BRINP2: variants seen among roughly 807,000 people sequenced by gnomAD.
BRINP2 encodes the protein BMP/retinoic acid-inducible neural-specific protein 2.
In BRINP2, 21 loss-of-function variants were observed where a neutral mutation model predicts 69.2. The ratio of observed to expected loss-of-function variants is 0.30; its 90% CI spans 0.22 to 0.44. The LOEUF is 0.44. BRINP2 is among the 20% of genes least tolerant of loss of function. The pLI is 1.00. For missense variants in BRINP2, 877 were observed against 986.0 expected (o/e 0.89, Z 1.48); for synonymous variants, 380 against 394.1 (o/e 0.96, Z 0.42).
chr1:177,228,763 G>C (rs993761856), intron 1 of BRINP2, among the ~76,000 whole-genome samples: 1 of 152,178 alleles, frequency 6.6e-6, no homozygotes, highest in Non-Finnish European at 1.5e-5. Context: ...AGTACTGAAC[G>C]GTCCTGTGCA....
rs566442380 is a variant in BRINP2, at chr1:177,278,159, C to G, written c.1013-404C>G. Among the ~76,000 whole-genome samples, 3 of 152,172 alleles carry G rather than the reference C, an allele frequency of 2.0e-5. No individual in the cohort carries two copies. In the South Asian group the frequency reaches 6.2e-4, roughly 32 times the overall value. ...TGCACACTCACCTTCATGAGGGCCC[C>G]ACATGTTCCATATGGGTTTTGTGGT... On this transcript the variant is annotated intron_variant, in intron 6 of 7. Transcript: ENST00000361539.
intron 1 of BRINP2, among the ~76,000 whole-genome samples, chr1:177,183,517 C>A (rs1341410517): frequency 6.6e-6 from 1 of 151,982 alleles, no homozygotes; most frequent in East Asian, 1.9e-4. Flanking sequence ...AGGAGAGTGA[C>A]AGGAAAAATG....
intron 3 of BRINP2, 75 bp downstream of exon 3, chr1:177,256,184 C>T: frequency 6.6e-7 from 1 of 1,512,276 alleles, no homozygotes. Context: ...TGTAGCGTAG[C>T]TCCAACAGTC....
intron 1 of BRINP2, among the ~76,000 whole-genome samples, chr1:177,227,922 G>A (rs942658634): frequency 1.3e-5 from 2 of 152,134 alleles, no homozygotes; most frequent in African/African-American, 4.8e-5. Flanking sequence ...GGTAGGGCAG[G>A]AGCTGCCTCA....
At chr1:177,210,728 A>T (rs2102310595) in intron 1 of BRINP2, among the ~76,000 whole-genome samples, 1 of 152,062 alleles carries the variant, frequency 6.6e-6, no homozygotes, top group Non-Finnish European at 1.5e-5. Flanking sequence ...TCTATTTTTT[A>T]ACTATAAATT....
At chr1:177,256,779 A>T in intron 3 of BRINP2, 1 of 1,116,536 alleles carries the variant, frequency 9.0e-7, no homozygotes, top group African/African-American at 1.6e-5. Flanking sequence ...TGAGTGTTTG[A>T]TGGGGAGGAG....
chr1:177,220,762 G>A (rs10913299), intron 1 of BRINP2, among the ~76,000 whole-genome samples: 1 of 152,052 alleles, frequency 6.6e-6, no homozygotes, highest in African/African-American at 2.4e-5. Flanking sequence ...TTGGGTTTGG[G>A]GATATGAGGG....
chr1:177,191,127 A>G (rs1042016009), intron 1 of BRINP2, among the ~76,000 whole-genome samples: 1 of 152,212 alleles, frequency 6.6e-6, no homozygotes, highest in African/African-American at 2.4e-5. Context: ...GCAGAGCACT[A>G]GTTTACAAAT....
intron 2 of BRINP2, among the ~76,000 whole-genome samples, 198 bp downstream of exon 2, chr1:177,230,343 C>G (rs1649829922): frequency 1.3e-5 from 2 of 152,194 alleles, no homozygotes; most frequent in Admixed American, 6.5e-5. Flanking sequence ...AAAACACACA[C>G]AAGCTGGAAA....
At chr1:177,219,613 A>G (rs960886998) in intron 1 of BRINP2, among the ~76,000 whole-genome samples, 3 of 152,244 alleles carry the variant, frequency 2.0e-5, no homozygotes, top group African/African-American at 7.2e-5. Context: ...GCTGTTTAGC[A>G]CAGCTCAGGG....
Position 177,256,009 on chromosome 1 carries a change from G to A in BRINP2, c.360G>A (p.Arg120=), listed in dbSNP as rs1472737147. ...LPLPLAPEFI[R]NIRLLGRRPN... Reference sequence around the variant, plus strand: ...TGCCTCTTGCCCCAGAGTTTATCCGGAACATTCGCCTCCTTGGAAGGAGAC... The same window carrying A: ...TGCCTCTTGCCCCAGAGTTTATCCGAAACATTCGCCTCCTTGGAAGGAGAC... Residue 120 remains arginine, a synonymous_variant, in exon 3 of 8, where the codon CGG becomes CGA. Transcript: ENST00000361539. The A allele has an allele frequency of 6.2e-7, 1 of 1,614,178 alleles. No homozygotes were observed. The highest frequency in any genetic ancestry group is 1.7e-5 in the Admixed American group (1 of 60,032).
intron 1 of BRINP2, among the ~76,000 whole-genome samples, chr1:177,215,539 T>C (rs969936892): frequency 1.3e-5 from 2 of 152,210 alleles, no homozygotes; most frequent in African/African-American, 4.8e-5. Context: ...GCATGTTGAT[T>C]TGTGTCCTGA....
chr1:177,189,451 C>T lies in BRINP2; in HGVS notation c.-77+17719C>T, dbSNP rs1648524565. On this transcript the variant is annotated intron_variant, in intron 1 of 7. Transcript: ENST00000361539. ...GTTGTAGAGAGGTGACAGAATGATT[C>T]ATTTGGTCGCTGCCACTCTCTTCCA... Among the ~76,000 whole-genome samples, 3 of 152,290 alleles carry T rather than the reference C, an allele frequency of 2.0e-5. No homozygotes were observed. The South Asian group carries it at 6.2e-4, about 32-fold the overall frequency.
At position 177,280,775 on chromosome 1, in the gene BRINP2, C is replaced by T. The variant is rs1202083257; in HGVS notation, c.1599C>T (p.Ser533=). 9 of 1,614,156 alleles carry T rather than the reference C, an allele frequency of 5.6e-6. No individual in the cohort carries two copies. Among genetic ancestry groups the T allele is most frequent in the Non-Finnish European group, 7.6e-6 (9 of 1,180,010 alleles). ...SRIEVHSIFI[S]NDMRLGSWFD... is the part of the protein sequence containing the mutation. ...TTGAGGTACACTCCATCTTCATCAG[C>T]AATGACATGCGGCTGGGCAGCTGGT... The change falls in exon 8 of 8, where the codon AGC becomes AGT. Residue 533 remains serine, a synonymous_variant. Transcript: ENST00000361539.
Position 177,280,728 on chromosome 1 carries a change from C to G in BRINP2, c.1552C>G (p.Leu518Val), listed in dbSNP as rs1366033780. The G allele has an allele frequency of 6.2e-7, 1 of 1,614,214 alleles. No homozygotes were observed. The highest frequency in any genetic ancestry group is 8.5e-7 in the Non-Finnish European group (1 of 1,180,022). ...DLQDLELKYL[L>V]QKQDSRIEVH... ...GCAGGACCTGGAGCTAAAGTACCTG[C>G]TGCAGAAGCAGGATAGCCGCATTGA... Residue 518 changes from leucine to valine, a missense_variant, in exon 8 of 8, where the codon CTG becomes GTG. Physicochemically the swap from Leu to Val is conservative, Grantham distance 32. This residue lies in a region of BRINP2 where 86 missense variants were observed against 142.1 expected (regional missense o/e 0.61). Transcript: ENST00000361539.
At chr1:177,196,431 A>G (rs1648748815) in intron 1 of BRINP2, among the ~76,000 whole-genome samples, 1 of 152,148 alleles carries the variant, frequency 6.6e-6, no homozygotes, top group South Asian at 2.1e-4. Context: ...CAGCCTGGCC[A>G]ACATGGTGAA....
chr1:177,245,465 C>A (rs1650345617), intron 2 of BRINP2, among the ~76,000 whole-genome samples: 1 of 152,106 alleles, frequency 6.6e-6, no homozygotes, highest in Non-Finnish European at 1.5e-5. Flanking sequence ...AAGGAATTAC[C>A]AGTCTGTGGG....
rs552488441 is a variant in BRINP2 at position 177,281,856 on chromosome 1, T to C, written c.*328T>C. 5.6e-5 allele frequency: 12 copies of C among 213,536 alleles called. No homozygotes were observed. Among genetic ancestry groups the C allele is most frequent in the South Asian group, 3.2e-4 (2 of 6,304 alleles). The allele number at this position is 213,536 out of a possible 1,614,324, so 13.2% of individuals were successfully genotyped here. ...GAAGAGATTAAGAAAAAGAACCAGC[T>C]GAACCATGAAACAAACAAAAATCCT... is the stretch of plus-strand genomic sequence containing the variant. On this transcript the variant is annotated 3_prime_UTR_variant, in exon 8 of 8. Transcript: ENST00000361539.
chr1:177,281,269 G>T lies in BRINP2; in HGVS notation c.2093G>T (p.Arg698Leu), dbSNP rs141382711. The change falls in exon 8 of 8, where the codon CGG becomes CTG. Residue 698 changes from arginine to leucine, a missense_variant. By Grantham distance (102) the Arg-to-Leu change is moderately radical. Coordinates refer to ENST00000361539, the MANE Select transcript of BRINP2 (RefSeq NM_021165.4). ...YSLPFDPDAI[R>L]DLILQLDYPY... ...CTGCCCTTTGACCCAGATGCTATCC[G>T]GGACTTAATTCTCCAGTTGGACTAC... is the stretch of plus-strand genomic sequence containing the variant. 1 of 1,614,090 alleles carries T rather than the reference G, an allele frequency of 6.2e-7. No individual in the cohort carries two copies. Among genetic ancestry groups the T allele is most frequent in the East Asian group, 2.2e-5 (1 of 44,862 alleles).
Sources: gnomAD v4.1 joint callset for allele counts (sites outside exome capture counted in the v4.1 genomes callset) on GRCh38, gnomAD v4.1.1 for gene constraint, gnomAD v4.1.1 regional missense constraint, MANE v1.5 for transcripts, NCBI Gene and HGNC (gene_info 2026-07-23, HGNC 2026-07-21) for gene names.